Variants in PCNX1 observed in about 807,000 individuals in gnomAD.
PCNX1 encodes the protein pecanex-like protein 1.
Under a neutral mutation model 242.2 loss-of-function variants are expected in PCNX1, and 78 were observed. The ratio of observed to expected loss-of-function variants is 0.32; its 90% CI spans 0.27 to 0.39. The LOEUF (loss-of-function observed/expected upper bound fraction) is 0.39, where lower values mean the gene tolerates loss of function less well. Among genes scored for constraint, PCNX1 ranks in the 10% least tolerant of loss-of-function variants. The probability of loss-of-function intolerance (pLI) is 1.00; values close to 1 mark genes in which losing one functional copy is unlikely to be tolerated. For missense variants in PCNX1, 2,581 were observed against 2,856.5 expected (o/e 0.90, Z 2.20); for synonymous variants, 1,024 against 1,032.9 (o/e 0.99, Z 0.17).
chr14:71,088,509 G>T, intron 29 of PCNX1, 79 bp downstream of exon 29: 3 of 792,702 alleles, frequency 3.8e-6, no homozygotes, highest in Admixed American at 2.1e-5. Context: ...TTTCATGGAC[G>T]CATGTATTCT....
At chr14:71,088,890 T>A (rs921782005) in intron 29 of PCNX1, among the ~76,000 whole-genome samples, 2 of 152,234 alleles carry the variant, frequency 1.3e-5, no homozygotes, top group South Asian at 4.1e-4. Context: ...CCACATATTT[T>A]AAATTTTTTT....
chr14:71,098,716 C>A (rs1418947210), intron 30 of PCNX1, among the ~76,000 whole-genome samples: 1 of 152,128 alleles, frequency 6.6e-6, no homozygotes, highest in Non-Finnish European at 1.5e-5. Context: ...GCAGAGTCTT[C>A]TGGGTTCCCT....
chr14:71,048,652 C>T (rs1566746128), intron 22 of PCNX1, among the ~76,000 whole-genome samples: 1 of 152,186 alleles, frequency 6.6e-6, no homozygotes, highest in South Asian at 2.1e-4. Context: ...ATACATTATC[C>T]CATTTGATAG....
chr14:70,948,174 G>A (rs1401115182), intron 2 of PCNX1, among the ~76,000 whole-genome samples: 1 of 152,062 alleles, frequency 6.6e-6, no homozygotes, highest in Non-Finnish European at 1.5e-5. Context: ...TTTGCCTTGT[G>A]ATATTTTATT....
chr14:71,090,898 C>T (rs2062111085), intron 30 of PCNX1, among the ~76,000 whole-genome samples: 1 of 152,236 alleles, frequency 6.6e-6, no homozygotes, highest in Non-Finnish European at 1.5e-5. Context: ...ACAGGACTCT[C>T]TTGCCTGTTG....
chr14:71,056,425 A>G (rs139469376), intron 25 of PCNX1, among the ~76,000 whole-genome samples: 17 of 152,292 alleles, frequency 1.1e-4, no homozygotes, highest in African/African-American at 3.4e-4. Context: ...GCCCTGAATC[A>G]GTATATACAT....
At chr14:70,917,868 T>C (rs1371898089) in intron 1 of PCNX1, among the ~76,000 whole-genome samples, 1 of 152,240 alleles carries the variant, frequency 6.6e-6, no homozygotes, top group Non-Finnish European at 1.5e-5. Context: ...ACCAAAAATC[T>C]GTTGTTTGGT....
At position 71,051,935 on chromosome 14, in the gene PCNX1, A is replaced by G. The variant is rs1464803419; in HGVS notation, c.4500A>G (p.Pro1500=). 2.5e-6 allele frequency: 4 copies of G among 1,613,586 alleles called. No homozygotes were observed. Among genetic ancestry groups the G allele is most frequent in the Middle Eastern group, 3.3e-4 (2 of 6,060 alleles). The change falls in exon 24 of 36, where the codon CCA becomes CCG. Residue 1500 remains proline (P), a synonymous_variant. Transcript: ENST00000304743. ...QAAVSAFFST[P]LNPFLGSAIF... is the part of the protein sequence containing the mutation. ...CTGTCTCGGCCTTCTTCTCTACTCC[A>G]CTGAACCCCTTTCTGGGAAGTGCAA...
Position 71,108,927 on chromosome 14 carries a change from G to A in PCNX1, c.6625G>A (p.Val2209Met), listed in dbSNP as rs769044684. 28 of 1,614,084 alleles carry A rather than the reference G, an allele frequency of 1.7e-5. No homozygotes were observed. The highest frequency in any genetic ancestry group is 8.3e-5 in the Admixed American group (5 of 60,008). Reference protein sequence around the residue: ...SIPACKHHTLVGFLATEGGQS... With the variant: ...SIPACKHHTLMGFLATEGGQS... ...CCCAGCCTGCAAACATCACACTCTC[G>A]TGGGCTTTCTTGCGACAGAGGGAGG... Residue 2209 changes from valine (V) to methionine (M), a missense_variant, in exon 34 of 36, where the codon GTG (valine) becomes ATG (methionine). Val to Met is a conservative substitution (Grantham distance 21). Coordinates refer to ENST00000304743, the MANE Select transcript of PCNX1 (RefSeq NM_014982.3).
chr14:71,034,285 A>G (rs2060470429), intron 18 of PCNX1, among the ~76,000 whole-genome samples: 1 of 152,186 alleles, frequency 6.6e-6, no homozygotes, highest in Non-Finnish European at 1.5e-5. Flanking sequence ...GGTGAAATTA[A>G]GTCATTTCAT....
At chr14:71,089,069 A>G (rs2062064554) in intron 29 of PCNX1, 123 bp from the exon 30 acceptor site, 1 of 693,584 alleles carries the variant, frequency 1.4e-6, no homozygotes, top group Admixed American at 2.9e-5. Context: ...TTCTGACATT[A>G]GTTCCTGGAA....
chr14:71,024,230 TTATG>T (rs1212587829), intron 13 of PCNX1, among the ~76,000 whole-genome samples: 1 of 152,166 alleles, frequency 6.6e-6, no homozygotes, highest in East Asian at 1.9e-4. Context: ...AGATATTCCT[TTATG>T]TTAGTTAATT....
At chr14:70,934,296 C>T (rs1322835161) in intron 1 of PCNX1, among the ~76,000 whole-genome samples, 1 of 152,144 alleles carries the variant, frequency 6.6e-6, no homozygotes, top group Non-Finnish European at 1.5e-5. Flanking sequence ...GAAGACTAAA[C>T]TGTGGGGTAA....
chr14:70,972,298 T>C (rs2058565183), intron 5 of PCNX1, among the ~76,000 whole-genome samples: 1 of 151,910 alleles, frequency 6.6e-6, no homozygotes, highest in Admixed American at 6.6e-5. Context: ...GTTCAGGGCC[T>C]ATCAGGTGCT....
chr14:70,992,804 T>G (rs1310427590), intron 7 of PCNX1, among the ~76,000 whole-genome samples: 1 of 152,206 alleles, frequency 6.6e-6, no homozygotes, highest in Non-Finnish European at 1.5e-5. Context: ...TGTACCATTA[T>G]TAGTTTAGGA....
intron 11 of PCNX1, among the ~76,000 whole-genome samples, chr14:71,017,346 A>G (rs2059986400): frequency 6.6e-6 from 1 of 152,154 alleles, no homozygotes; most frequent in Non-Finnish European, 1.5e-5. Context: ...GAACAATTGG[A>G]TTTCCATATG....
intron 3 of PCNX1, among the ~76,000 whole-genome samples, chr14:70,965,791 A>C (rs750979019): frequency 1.3e-5 from 2 of 152,156 alleles, no homozygotes; most frequent in South Asian, 2.1e-4. Context: ...TTCTTGGGGC[A>C]GGTGGCCTTG....
chr14:70,911,676 A>G (rs1051589602), intron 1 of PCNX1, among the ~76,000 whole-genome samples: 2 of 152,044 alleles, frequency 1.3e-5, no homozygotes, highest in African/African-American at 4.8e-5. Context: ...GCAAGACTCC[A>G]CCTTTCTGAA....
At position 71,113,783 on chromosome 14, in the gene PCNX1, C is replaced by T. The variant is rs2141948492; in HGVS notation, c.*3848C>T. On this transcript the variant is annotated 3_prime_UTR_variant, in exon 36 of 36. Transcript: ENST00000304743. ...TAGCTACTTAACCATAAACTGCTGTCCAGATTGTTAATTTCATTTATATTT... is the reference window on the plus strand; with the variant it reads ...TAGCTACTTAACCATAAACTGCTGTTCAGATTGTTAATTTCATTTATATTT... 1 of 152,256 alleles carries T rather than the reference C, an allele frequency of 6.6e-6. No individual in the cohort carries two copies. Among genetic ancestry groups the T allele is most frequent in the African/African-American group, 2.4e-5 (1 of 41,546 alleles). 9.4% of individuals were successfully genotyped at this position (152,256 alleles called of 1,614,324 possible). A position where few individuals can be genotyped will look rare whatever the true frequency, so the allele number is the denominator to read the frequency against.
Sources: allele counts gnomAD v4.1 joint callset (sites outside exome capture counted in the v4.1 genomes callset), GRCh38; gene constraint gnomAD v4.1.1; transcripts MANE v1.5; gene names NCBI Gene and HGNC (gene_info 2026-07-23, HGNC 2026-07-21).